NLK: variants seen among roughly 807,000 people sequenced by gnomAD.
NLK encodes serine/threonine-protein kinase NLK.
A neutral mutation model predicts 59.0 loss-of-function variants in NLK; 11 were observed. The observed-to-expected ratio is 0.19, with a 90% CI of 0.12 to 0.31. NLK has a LOEUF of 0.31. NLK is among the 10% of genes least tolerant of loss of function. The pLI, the probability that NLK is intolerant of heterozygous loss-of-function variation, is 1.00. For synonymous variants in NLK, 235 were observed against 235.9 expected, an observed-to-expected ratio of 1.00 and a Z score of 0.03; for missense variants, 410 against 661.1, an observed-to-expected ratio of 0.62 and a Z score of 4.16.
intron 1 of NLK, among the ~76,000 whole-genome samples, chr17:28,064,798 C>G (rs1340397248): frequency 6.6e-6 from 1 of 152,198 alleles, no homozygotes; most frequent in Non-Finnish European, 1.5e-5. Context: ...AATTGCTTTA[C>G]TGCTTTGTGT....
intron 1 of NLK, among the ~76,000 whole-genome samples, chr17:28,095,900 G>A (rs551523962): frequency 8.7e-4 from 132 of 152,242 alleles, no homozygotes; most frequent in African/African-American, 2.8e-3. Context: ...GTGTGTTCCT[G>A]TCCTTTTCTC....
At chr17:28,089,440 T>G (rs1904402017) in intron 1 of NLK, among the ~76,000 whole-genome samples, 1 of 152,138 alleles carries the variant, frequency 6.6e-6, no homozygotes, top group Non-Finnish European at 1.5e-5. Context: ...AGTAATCTAT[T>G]GTAGAGATAT....
At chr17:28,131,865 C>A (rs190835657) in intron 2 of NLK, among the ~76,000 whole-genome samples, 19 of 152,182 alleles carry the variant, frequency 1.2e-4, no homozygotes, top group East Asian at 3.9e-4. Context: ...GGAATAAAAT[C>A]AAAAATGCTT....
At chr17:28,150,805 C>T (rs1179943840) in intron 3 of NLK, among the ~76,000 whole-genome samples, 1 of 152,094 alleles carries the variant, frequency 6.6e-6, no homozygotes, top group Non-Finnish European at 1.5e-5. Flanking sequence ...GTTGGCATAC[C>T]ATGCACAGTG....
intron 1 of NLK, among the ~76,000 whole-genome samples, chr17:28,053,496 T>A (rs1567699968): frequency 6.6e-6 from 1 of 152,348 alleles, no homozygotes; most frequent in South Asian, 2.1e-4. Flanking sequence ...TTTCTCTTTT[T>A]ATCCTCTCCG....
chr17:28,123,358 G>A (rs1050921604), intron 2 of NLK, among the ~76,000 whole-genome samples: 2 of 152,054 alleles, frequency 1.3e-5, no homozygotes, highest in Admixed American at 6.5e-5. Flanking sequence ...CCACAACCAA[G>A]GTTTTTATTG....
intron 5 of NLK, among the ~76,000 whole-genome samples, chr17:28,165,519 A>G (rs182781286): frequency 4.5e-4 from 69 of 152,372 alleles, no homozygotes; most frequent in African/African-American, 1.6e-3. Flanking sequence ...AGTCTAGGCT[A>G]TAGACACTAG....
intron 3 of NLK, among the ~76,000 whole-genome samples, chr17:28,148,528 G>C (rs1393954549): frequency 6.6e-6 from 1 of 152,200 alleles, no homozygotes; most frequent in East Asian, 1.9e-4. Context: ...GAGACAAAGA[G>C]AATGAGGTAG....
chr17:28,171,935 AAGT>A (rs1401281695), intron 6 of NLK, among the ~76,000 whole-genome samples: 6 of 152,044 alleles, frequency 3.9e-5, no homozygotes, highest in Admixed American at 3.3e-4. Context: ...TTAAATAAAT[AAGT>A]AGGAACTTTT....
chr17:28,049,514 T>C (rs1040783443), intron 1 of NLK, among the ~76,000 whole-genome samples: 4 of 152,216 alleles, frequency 2.6e-5, no homozygotes, highest in Non-Finnish European at 4.4e-5. Context: ...GCTGCTGTTG[T>C]CTGTATTGTG....
chr17:28,076,781 A>G (rs1048821231), intron 1 of NLK, among the ~76,000 whole-genome samples: 1 of 152,154 alleles, frequency 6.6e-6, no homozygotes, highest in Non-Finnish European at 1.5e-5. Context: ...GAGGGTTAGT[A>G]TCATTGGTTC....
At position 28,195,935 on chromosome 17, in the gene NLK, G is replaced by A. The variant is rs530578077; in HGVS notation, c.*1299G>A. 17 of 152,592 alleles carry A rather than the reference G, an allele frequency of 1.1e-4. No individual in the cohort carries two copies. The highest frequency in any genetic ancestry group is 4.2e-4 in the South Asian group (2 of 4,818). 9.5% of individuals were successfully genotyped at this position (152,592 alleles called of 1,614,324 possible). ...CCTGTACAAGGAATACTAATGGATC[G>A]TCTTAAAATTGGTCTAGGAAAAAAC... On this transcript the variant is annotated 3_prime_UTR_variant, in exon 11 of 11. Transcript: ENST00000407008.
chr17:28,079,997 T>C (rs1041522911), intron 1 of NLK, among the ~76,000 whole-genome samples: 5 of 152,224 alleles, frequency 3.3e-5, no homozygotes, highest in African/African-American at 1.2e-4. Flanking sequence ...TTGTATGTGA[T>C]ATAAGCTAAG....
Position 28,116,957 on chromosome 17 carries a change from A to G in NLK, c.459-5646A>G, listed in dbSNP as rs531003186. Among the ~76,000 whole-genome samples the G allele has an allele frequency of 2.6e-5, 4 of 152,348 alleles. No individual in the cohort carries two copies. The South Asian group carries it at 8.3e-4, about 32-fold the overall frequency. ...GAATTGTTTTCCTTTGTGGATTTGC[A>G]TAGAAACCTTTCCCTCATTCTTTCA... On this transcript the variant is annotated intron_variant, in intron 1 of 10. Transcript: ENST00000407008.
chr17:28,051,059 G>A (rs1388991915), intron 1 of NLK, among the ~76,000 whole-genome samples: 5 of 143,390 alleles, frequency 3.5e-5, no homozygotes, highest in African/African-American at 1.3e-4. Flanking sequence ...CAGCCCGGGC[G>A]ACAGAGTCAG....
intron 7 of NLK, among the ~76,000 whole-genome samples, chr17:28,181,570 TAAA>T (rs1013996311): frequency 1.5e-5 from 2 of 134,724 alleles, no homozygotes. Flanking sequence ...CTCTGTCTCT[TAAA>T]AAAAAAAAAA....
intron 7 of NLK, among the ~76,000 whole-genome samples, chr17:28,175,277 C>T (rs1420022760): frequency 6.6e-6 from 1 of 150,678 alleles, no homozygotes; most frequent in Admixed American, 6.6e-5. Flanking sequence ...AACCCCGTCT[C>T]TACTAAAAAA....
intron 5 of NLK, among the ~76,000 whole-genome samples, chr17:28,163,969 A>G (rs1015222959): frequency 3.9e-5 from 6 of 152,226 alleles, no homozygotes; most frequent in African/African-American, 1.4e-4. Flanking sequence ...TTTATATAAG[A>G]GAATGAAGTG....
chr17:28,156,769 G>A (rs1157682297), intron 3 of NLK, among the ~76,000 whole-genome samples: 1 of 152,146 alleles, frequency 6.6e-6, no homozygotes, highest in East Asian at 1.9e-4. Flanking sequence ...AGGCAGTGGT[G>A]TGCATATCAC....
Sources: gnomAD v4.1 joint callset for allele counts (sites outside exome capture counted in the v4.1 genomes callset) on GRCh38, gnomAD v4.1.1 for gene constraint, MANE v1.5 for transcripts, NCBI Gene and HGNC (gene_info 2026-07-23, HGNC 2026-07-21) for gene names.